The following CTBP1 variants were observed in gnomAD, a reference collection of about 807,000 sequenced individuals.
CTBP1 encodes C-terminal binding protein 1.
CTBP1 carries 11 observed loss-of-function variants against 42.1 expected under a neutral mutation model. That is an observed-to-expected ratio of 0.26 (90% confidence interval 0.16 to 0.43). CTBP1 has a LOEUF of 0.43. Ranked by LOEUF, CTBP1 falls within the 20% of genes least tolerant of loss-of-function variation. CTBP1 has a pLI of 1.00. For missense variants in CTBP1, 399 were observed against 624.3 expected (o/e 0.64, Z 3.85); for synonymous variants, 324 against 277.1 (o/e 1.17, Z -1.68).
At chr4:1,245,355 G>C (rs1460293511) in intron 1 of CTBP1, 6 of 985,322 alleles carry the variant, frequency 6.1e-6, no homozygotes, top group Non-Finnish European at 7.2e-6. Context: ...CAACCTGTGA[G>C]CTCCAGGAAC....
intron 1 of CTBP1, chr4:1,243,459 G>A (rs1402766971): frequency 1.0e-6 from 1 of 985,262 alleles, no homozygotes; most frequent in Non-Finnish European, 1.2e-6. Context: ...GGCTGCTCCA[G>A]TTCAGGACAG....
At chr4:1,228,390 C>T (rs905271975) in intron 3 of CTBP1, 47 bp from the exon 4 acceptor site, 13 of 1,588,834 alleles carry the variant, frequency 8.2e-6, no homozygotes, top group African/African-American at 2.7e-5. Flanking sequence ...TGAAGACCCT[C>T]GGGCTTGGCC....
Position 1,241,374 on chromosome 4 carries a change from T to C in CTBP1, c.-43A>G, listed in dbSNP as rs757030790. 9.0e-7 allele frequency: 1 copy of C among 1,113,994 alleles called. No individual in the cohort carries two copies. The highest frequency in any genetic ancestry group is 1.4e-6 in the Non-Finnish European group (1 of 722,710). The allele number at this position is 1,113,994 out of a possible 1,614,324, so 69.0% of individuals were successfully genotyped here. ...GCTTCCACGACCATGAATTCGACTTTTCAAAGCTTTTTATCTTCAGGATCC... is the reference window on the plus strand; with the variant it reads ...GCTTCCACGACCATGAATTCGACTTCTCAAAGCTTTTTATCTTCAGGATCC... On this transcript the variant is annotated 5_prime_UTR_variant, in exon 2 of 10. Transcript: ENST00000382952.
intron 3 of CTBP1, chr4:1,234,818 C>A: frequency 6.6e-6 from 1 of 152,342 alleles, no homozygotes. Flanking sequence ...CTCAGGTGTG[C>A]ACCACGGGCA....
intron 4 of CTBP1, 47 bp downstream of exon 4, chr4:1,228,152 C>T (rs370786257): frequency 1.1e-5 from 17 of 1,603,480 alleles, no homozygotes; most frequent in Admixed American, 6.7e-5. Flanking sequence ...CAAGACGGGA[C>T]GGAGCTTGCA....
At chr4:1,229,315 G>A (rs1029873211) in intron 3 of CTBP1, among the ~76,000 whole-genome samples, 3 of 152,216 alleles carry the variant, frequency 2.0e-5, no homozygotes, top group East Asian at 1.9e-4. Flanking sequence ...ACCCGCACAC[G>A]TCCATCCCAC....
chr4:1,222,362 G>A (rs1399477209), intron 5 of CTBP1, among the ~76,000 whole-genome samples: 1 of 152,138 alleles, frequency 6.6e-6, no homozygotes, highest in Non-Finnish European at 1.5e-5. Flanking sequence ...CCGAGGCCGA[G>A]GGAGCGCTGA....
rs1227882304 is a variant in CTBP1, at chr4:1,242,268, G to A, written c.-188-749C>T. The A allele has an allele frequency of 4.1e-6, 4 of 985,260 alleles. No individual in the cohort carries two copies. In the African/African-American group the frequency reaches 7.0e-5, roughly 17 times the overall value. The allele number at this position is 985,260 out of a possible 1,614,324, so 61.0% of individuals were successfully genotyped here. A position where few individuals can be genotyped will look rare whatever the true frequency, so the allele number is the denominator to read the frequency against. On this transcript the variant is annotated intron_variant, in intron 1 of 9. Coordinates refer to ENST00000382952, the MANE Select transcript of CTBP1 (RefSeq NM_001012614.2). ...CACACGATCGCCCAGCCCTCGGGAG[G>A]GTGTCACTGAGCTGCCCACACCTGG...
At position 1,249,053 on chromosome 4, in the gene CTBP1, C is replaced by T. The variant is rs1430997077; in HGVS notation, c.-326G>A. 1.3e-5 allele frequency: 6 copies of T among 479,904 alleles called. No individual in the cohort carries two copies. Among genetic ancestry groups the T allele is most frequent in the Admixed American group, 6.6e-5 (1 of 15,096 alleles). 29.7% of individuals were successfully genotyped at this position (479,904 alleles called of 1,614,324 possible). A position where few individuals can be genotyped will look rare whatever the true frequency, so the allele number is the denominator to read the frequency against. The stretch of plus-strand genomic sequence containing the variant: ...GGCCTCGGCGCCGTCCGCTGCTCCG[C>T]CCGCCCGCCTGCGCCTGGCCGCCGC... On this transcript the variant is annotated 5_prime_UTR_variant, in exon 1 of 10. Coordinates refer to ENST00000382952, the MANE Select transcript of CTBP1 (RefSeq NM_001012614.2).
At chr4:1,222,322 C>G (rs1729832271) in intron 5 of CTBP1, among the ~76,000 whole-genome samples, 1 of 152,226 alleles carries the variant, frequency 6.6e-6, no homozygotes, top group African/African-American at 2.4e-5. Flanking sequence ...GGGCTCGTGT[C>G]CCTAAGGACA....
intron 5 of CTBP1, among the ~76,000 whole-genome samples, chr4:1,220,403 C>T (rs1729609512): frequency 6.6e-6 from 1 of 151,870 alleles, no homozygotes; most frequent in Non-Finnish European, 1.5e-5. Flanking sequence ...AACGACGAAA[C>T]ACCGTTAAGA....
chr4:1,221,918 C>G, intron 5 of CTBP1: 8 of 374,246 alleles, frequency 2.1e-5, no homozygotes, highest in Non-Finnish European at 3.8e-5. Context: ...AGATGTAAGT[C>G]ACGGGCACCA....
At chr4:1,223,967 C>T (rs182600317) in intron 5 of CTBP1, among the ~76,000 whole-genome samples, 43 of 152,310 alleles carry the variant, frequency 2.8e-4, no homozygotes, top group African/African-American at 6.3e-4. Context: ...AAATGAAGAG[C>T]GAGGGGTCGC....
rs757882322 is a variant in CTBP1, at chr4:1,216,123, G to A, written c.597C>T (p.Gly199=). The A allele has an allele frequency of 1.1e-5, 17 of 1,611,234 alleles. No individual in the cohort carries two copies. In the Admixed American group the frequency reaches 1.2e-4, roughly 11 times the overall value. Residue 199 remains glycine (G), a synonymous_variant, in exon 6 of 10, where the codon GGC becomes GGT. Transcript: ENST00000382952. Reference sequence around the variant, plus strand: ...GCTGCAGCCCCAGCGCCCGCTCCACGCCATCCGACAAGTAAGGGTCGTAGA... The same window carrying A: ...GCTGCAGCCCCAGCGCCCGCTCCACACCATCCGACAAGTAAGGGTCGTAGA... ...VLFYDPYLSD[G]VERALGLQRV...
Position 1,233,888 on chromosome 4 carries a change from C to T in CTBP1, c.162+4295G>A, listed in dbSNP as rs771462219. 2.6e-5 allele frequency among the ~76,000 whole-genome samples: 4 copies of T among 152,202 alleles called. No homozygotes were observed. The highest frequency in any genetic ancestry group is 2.1e-4 in the South Asian group (1 of 4,832). ...AAAGCAGGTGTTCAGTTTCCTCCCA[C>T]GCCAAAGCCTGGAGACAGGGAGCCT... On this transcript the variant is annotated intron_variant, in intron 3 of 9. Coordinates refer to ENST00000382952, the MANE Select transcript of CTBP1 (RefSeq NM_001012614.2). This position sits in a 1 kb window ranked among gnomAD's most constrained non-coding sequence, Gnocchi z 4.6.
chr4:1,214,319 G>T, intron 7 of CTBP1, 24 bp downstream of exon 7: 2 of 1,532,644 alleles, frequency 1.3e-6, no homozygotes, highest in Non-Finnish European at 8.7e-7. Context: ...AAGAGCAGGG[G>T]GGCGGCACTG....
intron 4 of CTBP1, among the ~76,000 whole-genome samples, chr4:1,225,998 C>T (rs1428972221): frequency 6.6e-6 from 1 of 152,058 alleles, no homozygotes; most frequent in African/African-American, 2.4e-5. Flanking sequence ...CACACCCCTA[C>T]GTGGACATCC....
In CTBP1 at chr4:1,214,415, G is replaced by A. The variant is rs777093230; in HGVS notation, c.788C>T (p.Ala263Val). The A allele has an allele frequency of 6.3e-7, 1 of 1,579,032 alleles. No homozygotes were observed. Residue 263 changes from alanine (A) to valine (V), a missense_variant, in exon 7 of 10, where the codon GCG becomes GTG. Transcript: ENST00000382952. ...GCCCTCCTTCAGGGCCTGGGCCAGC[G>A]CCTTCTCATCCACCAGGCCACCCCG... ...TARGGLVDEK[A>V]LAQALKEGRI...
chr4:1,218,609 C>T (rs952049026), intron 5 of CTBP1: 2 of 152,174 alleles, frequency 1.3e-5, no homozygotes, highest in African/African-American at 2.4e-5. Context: ...CCTTGACAGA[C>T]TCATGACTAA....
Sources: allele counts gnomAD v4.1 joint callset (sites outside exome capture counted in the v4.1 genomes callset), GRCh38; gene constraint gnomAD v4.1.1; non-coding constraint Gnocchi (gnomAD v3.1); transcripts MANE v1.5; gene names NCBI Gene and HGNC (gene_info 2026-07-23, HGNC 2026-07-21).